EFCAB6: variants seen among roughly 807,000 people sequenced by gnomAD.
EFCAB6 encodes the protein EF-hand calcium-binding domain-containing protein 6.
In EFCAB6, 156 loss-of-function variants were observed where a neutral mutation model predicts 169.8. That is an observed-to-expected ratio of 0.92 (90% CI 0.81 to 1.05). The LOEUF is 1.05. EFCAB6 is among the 50% of genes least tolerant of loss of function. The probability of loss-of-function intolerance (pLI) is 0.00; values close to 1 mark genes in which losing one functional copy is unlikely to be tolerated. For missense variants in EFCAB6, 1,800 were observed against 1,829.1 expected (o/e 0.98, Z 0.29); for synonymous variants, 698 against 676.4 (o/e 1.03, Z -0.50).
In EFCAB6 at chr22:43,555,020, A is replaced by T. The variant is rs1244316852; in HGVS notation, c.3497T>A (p.Ile1166Asn). The T allele has an allele frequency of 1.9e-6, 3 of 1,614,220 alleles. No homozygotes were observed. The highest frequency in any genetic ancestry group is 2.5e-6 in the Non-Finnish European group (3 of 1,180,036). ...CACTGCTTTGTGGAGGCGAGCCAGG[A>T]TGTCTCTGTCGGCTGTGGCCTTGGG... is the stretch of plus-strand genomic sequence containing the variant. ...TSPKATADRDILARLHKAVTS... is the reference protein window; with the variant it reads ...TSPKATADRDNLARLHKAVTS... Residue 1166 changes from isoleucine to asparagine, a missense_variant, in exon 27 of 32, where the codon ATC becomes AAC. Physicochemically the swap from Ile to Asn is moderately radical, Grantham distance 149. Transcript: ENST00000262726.
At chr22:43,548,245 T>TA (rs2048175517) in intron 27 of EFCAB6, among the ~76,000 whole-genome samples, 2 of 152,040 alleles carry the variant, frequency 1.3e-5, no homozygotes, top group South Asian at 4.2e-4. Context: ...ACTGTATTTT[T>TA]AAAAAAATCC....
intron 10 of EFCAB6, among the ~76,000 whole-genome samples, chr22:43,698,389 T>C (rs1220544586): frequency 6.6e-6 from 1 of 152,222 alleles, no homozygotes; most frequent in Non-Finnish European, 1.5e-5. Flanking sequence ...CTTCCTTGTC[T>C]GAAATGCTTC....
chr22:43,690,884 C>T (rs186306162), intron 10 of EFCAB6, among the ~76,000 whole-genome samples: 5 of 152,020 alleles, frequency 3.3e-5, no homozygotes, highest in Non-Finnish European at 5.9e-5. Context: ...GGAAGCCTTC[C>T]CTAATTTCCA....
chr22:43,530,780 C>T (rs781458260), intron 31 of EFCAB6, 35 bp downstream of exon 31: 4 of 1,609,120 alleles, frequency 2.5e-6, no homozygotes, highest in East Asian at 2.2e-5. Context: ...GGCAGCTGCT[C>T]CCTGCAGAGG....
At chr22:43,784,905 CAAAA>C (rs1005711761) in intron 2 of EFCAB6, among the ~76,000 whole-genome samples, 5 of 149,078 alleles carry the variant, frequency 3.4e-5, no homozygotes, top group Admixed American at 1.3e-4. Flanking sequence ...AAGAAAGAAA[CAAAA>C]GAAAATGAAA....
At chr22:43,704,720 A>G (rs975559936) in intron 10 of EFCAB6, among the ~76,000 whole-genome samples, 1 of 152,148 alleles carries the variant, frequency 6.6e-6, no homozygotes, top group African/African-American at 2.4e-5. Flanking sequence ...TTTCTACGCA[A>G]GCCTCATGGT....
chr22:43,548,539 C>CAAAAAAAAAAAAAAAAAAAAAAAAAAAAA (rs397868076), intron 27 of EFCAB6, among the ~76,000 whole-genome samples: 1 of 36,750 alleles, frequency 2.7e-5, no homozygotes, highest in African/African-American at 1.1e-4. Flanking sequence ...GAATCCATCT[C>CAAAAAAAAAAAAAAAAAAAAAAAAAAAAA]AAAAAAAAAA....
intron 8 of EFCAB6, among the ~76,000 whole-genome samples, chr22:43,723,088 T>C (rs1468318407): frequency 6.6e-6 from 1 of 152,164 alleles, no homozygotes; most frequent in African/African-American, 2.4e-5. Context: ...GTAGTGGAAA[T>C]AGCAAGAGAA....
intron 17 of EFCAB6, among the ~76,000 whole-genome samples, chr22:43,663,089 T>C (rs180825977): frequency 7.7e-4 from 118 of 152,334 alleles, no homozygotes; most frequent in Non-Finnish European, 1.4e-3. Flanking sequence ...AAATTCCACA[T>C]GCCTGAATAT....
At chr22:43,752,654 T>C (rs912082411) in intron 6 of EFCAB6, among the ~76,000 whole-genome samples, 4 of 152,188 alleles carry the variant, frequency 2.6e-5, no homozygotes, top group African/African-American at 9.6e-5. Context: ...TAGAGTCATA[T>C]TGGGAAAAAA....
At chr22:43,804,680 C>T (rs2062846593) in intron 2 of EFCAB6, among the ~76,000 whole-genome samples, 1 of 149,916 alleles carries the variant, frequency 6.7e-6, no homozygotes, top group Non-Finnish European at 1.5e-5. Flanking sequence ...GGCAGTATTG[C>T]TTGAGCTCAG....
At chr22:43,596,176 A>G (rs2051990487) in intron 23 of EFCAB6, among the ~76,000 whole-genome samples, 1 of 152,166 alleles carries the variant, frequency 6.6e-6, no homozygotes, top group African/African-American at 2.4e-5. Flanking sequence ...CTTTACACTA[A>G]GATCTGGAAT....
intron 24 of EFCAB6, among the ~76,000 whole-genome samples, chr22:43,581,356 C>T (rs1047788996): frequency 3.3e-5 from 5 of 152,190 alleles, no homozygotes; most frequent in Non-Finnish European, 5.9e-5. Context: ...CAAAACCTAT[C>T]TAGCTGAGGA....
At chr22:43,695,116 A>C (rs866203585) in intron 10 of EFCAB6, among the ~76,000 whole-genome samples, 77 of 152,158 alleles carry the variant, frequency 5.1e-4, no homozygotes, top group Admixed American at 1.5e-3. Flanking sequence ...AATCTACAAC[A>C]AAAGGTCTAG....
intron 26 of EFCAB6, among the ~76,000 whole-genome samples, chr22:43,560,342 G>A (rs2048954148): frequency 6.6e-6 from 1 of 152,206 alleles, no homozygotes; most frequent in Non-Finnish European, 1.5e-5. Flanking sequence ...AAGTTGCCAT[G>A]AATTTGATAT....
intron 8 of EFCAB6, among the ~76,000 whole-genome samples, chr22:43,730,991 G>A (rs555782167): frequency 1.1e-4 from 16 of 152,080 alleles, no homozygotes; most frequent in South Asian, 2.1e-4. Flanking sequence ...AGTCATTCAG[G>A]GGCAGTCACT....
intron 24 of EFCAB6, among the ~76,000 whole-genome samples, chr22:43,587,053 C>A (rs1401524554): frequency 1.3e-5 from 2 of 152,068 alleles, no homozygotes; most frequent in African/African-American, 4.8e-5. Flanking sequence ...CTGCAAATAC[C>A]CTCAGAGGCT....
At chr22:43,756,260 C>T (rs919169944) in intron 5 of EFCAB6, among the ~76,000 whole-genome samples, 2 of 152,166 alleles carry the variant, frequency 1.3e-5, no homozygotes, top group South Asian at 2.1e-4. Context: ...GAAGTGGAGG[C>T]GCCAGCATCA....
intron 2 of EFCAB6, among the ~76,000 whole-genome samples, chr22:43,798,476 T>G (rs1024085838): frequency 2.0e-5 from 3 of 152,186 alleles, no homozygotes; most frequent in African/African-American, 7.2e-5. Context: ...TCAGGGAGCC[T>G]TCCTTGACAC....
Sources: gnomAD v4.1 joint callset for allele counts (sites outside exome capture counted in the v4.1 genomes callset) on GRCh38, gnomAD v4.1.1 for gene constraint, MANE v1.5 for transcripts, NCBI Gene and HGNC (gene_info 2026-07-23, HGNC 2026-07-21) for gene names.